PCDHA10: variants seen among roughly 807,000 people sequenced by gnomAD.
The protein encoded by PCDHA10 is protocadherin alpha-10.
Under a neutral mutation model 61.2 loss-of-function variants are expected in PCDHA10, and 45 were observed. That is an observed-to-expected ratio of 0.74 (90% CI 0.58 to 0.94). The LOEUF (loss-of-function observed/expected upper bound fraction) is 0.94, where lower values mean the gene tolerates loss of function less well. PCDHA10 is among the 40% of genes least tolerant of loss of function. PCDHA10 has a pLI of 0.00. For missense variants in PCDHA10, 1,278 were observed against 1,236.2 expected, an observed-to-expected ratio of 1.03 and a Z score of -0.51; for synonymous variants, 602 against 548.8, an observed-to-expected ratio of 1.10 and a Z score of -1.35.
intron 1 of PCDHA10, among the ~76,000 whole-genome samples, chr5:140,978,505 C>T (rs2096806553): frequency 6.6e-6 from 1 of 152,354 alleles, no homozygotes; most frequent in South Asian, 2.1e-4. Context: ...AGATTGCAGT[C>T]CTCTGCAGTC....
intron 1 of PCDHA10, among the ~76,000 whole-genome samples, chr5:140,894,303 A>G (rs1386163832): frequency 2.0e-5 from 3 of 151,922 alleles, no homozygotes; most frequent in Admixed American, 6.6e-5. Context: ...TTTCCTGGAA[A>G]GTTTTCTTAA....
At chr5:140,892,504 G>A (rs2063551551) in intron 1 of PCDHA10, among the ~76,000 whole-genome samples, 1 of 152,176 alleles carries the variant, frequency 6.6e-6, no homozygotes, top group Non-Finnish European at 1.5e-5. Context: ...TGTTTAAGAA[G>A]TTCCACCATG....
chr5:140,928,411 A>G, intron 1 of PCDHA10: 2 of 1,614,066 alleles, frequency 1.2e-6, no homozygotes, highest in Non-Finnish European at 1.7e-6. Context: ...CAGTGGGGCC[A>G]TCACTGCCAA....
intron 3 of PCDHA10, among the ~76,000 whole-genome samples, chr5:140,984,074 A>T (rs1554245949): frequency 6.6e-6 from 1 of 152,268 alleles, no homozygotes; most frequent in African/African-American, 2.4e-5. Context: ...AGTGCCAACG[A>T]TGGAGTGAAG....
intron 1 of PCDHA10, chr5:140,966,420 G>C (rs2096000872): frequency 2.4e-6 from 1 of 421,302 alleles, no homozygotes; most frequent in South Asian, 1.0e-4. Flanking sequence ...AGCAGGACTT[G>C]CTGAGCCCTC....
chr5:140,976,584 A>G (rs2096724055), intron 1 of PCDHA10, among the ~76,000 whole-genome samples: 1 of 152,070 alleles, frequency 6.6e-6, no homozygotes. Context: ...TAAAACACAG[A>G]CTTTTGTGTT....
At chr5:140,891,431 A>G (rs912407002) in intron 1 of PCDHA10, among the ~76,000 whole-genome samples, 1 of 143,446 alleles carries the variant, frequency 7.0e-6, no homozygotes, top group Non-Finnish European at 1.5e-5. Context: ...CAAGTCCCCA[A>G]CGTCCATTGT....
At chr5:140,877,417 G>T (rs782190793) in intron 1 of PCDHA10, 5 of 1,613,822 alleles carry the variant, frequency 3.1e-6, no homozygotes, top group Admixed American at 1.7e-5. Context: ...CCGCCTGCTG[G>T]TGCTGGTGAA....
chr5:140,906,575 T>C (rs1443480852), intron 1 of PCDHA10, among the ~76,000 whole-genome samples: 1 of 152,242 alleles, frequency 6.6e-6, no homozygotes, highest in Non-Finnish European at 1.5e-5. Context: ...ATAGCTGGTA[T>C]TGATGACTAC....
chr5:141,009,601 A>T (rs1223112014), intron 3 of PCDHA10, 26 bp from the exon 4 acceptor site: 6 of 1,607,482 alleles, frequency 3.7e-6, no homozygotes, highest in Non-Finnish European at 5.1e-6. Flanking sequence ...GACCCTGTTA[A>T]TGATTTGTAA....
intron 1 of PCDHA10, among the ~76,000 whole-genome samples, chr5:140,887,101 C>CTT (rs200717289): frequency 4.1e-5 from 6 of 145,304 alleles, no homozygotes; most frequent in African/African-American, 1.0e-4. Context: ...ATCTTTATCT[C>CTT]TTTTTTTTTT....
chr5:140,895,442 C>T (rs2065008027), intron 1 of PCDHA10, among the ~76,000 whole-genome samples: 1 of 152,148 alleles, frequency 6.6e-6, no homozygotes. Context: ...AGACTCTTTT[C>T]ATGTGCTTAT....
intron 1 of PCDHA10, among the ~76,000 whole-genome samples, chr5:140,873,502 T>C (rs1554166743): frequency 3.3e-5 from 5 of 152,346 alleles, no homozygotes; most frequent in Non-Finnish European, 7.3e-5. Context: ...AGTTGTGTCT[T>C]TTATACTTAA....
intron 1 of PCDHA10, among the ~76,000 whole-genome samples, chr5:140,971,595 A>G (rs1228003229): frequency 6.6e-6 from 1 of 152,110 alleles, no homozygotes; most frequent in African/African-American, 2.4e-5. Flanking sequence ...CCTAGTTACT[A>G]CAGATGGCAG....
intron 1 of PCDHA10, chr5:140,930,064 C>G (rs2153602971): frequency 6.6e-6 from 1 of 152,306 alleles, no homozygotes; most frequent in Non-Finnish European, 1.5e-5. Context: ...TACACAAAAA[C>G]TGTAAGCCTC....
chr5:140,883,886 T>C, intron 1 of PCDHA10: 1 of 1,613,156 alleles, frequency 6.2e-7, no homozygotes, highest in Non-Finnish European at 8.5e-7. Flanking sequence ...CGCGCGCGAC[T>C]CTGGCGTGCC....
At chr5:140,869,561 C>T (rs781968482) in intron 1 of PCDHA10, 28 of 1,614,032 alleles carry the variant, frequency 1.7e-5, no homozygotes, top group Middle Eastern at 1.6e-4. Context: ...TCGCGTTTTC[C>T]ACTAGAGGGA....
At chr5:140,987,643 A>G (rs1205279586) in intron 3 of PCDHA10, among the ~76,000 whole-genome samples, 1 of 152,232 alleles carries the variant, frequency 6.6e-6, no homozygotes, top group Non-Finnish European at 1.5e-5. Context: ...ATGCACACAT[A>G]TTGCAGAATC....
At chr5:140,913,282 AG>A (rs1231451737) in intron 1 of PCDHA10, among the ~76,000 whole-genome samples, 20 of 152,154 alleles carry the variant, frequency 1.3e-4, no homozygotes, top group African/African-American at 4.6e-4. Flanking sequence ...TGGTCTGTTT[AG>A]GTTTTAATTT....
Sources: allele counts gnomAD v4.1 joint callset (sites outside exome capture counted in the v4.1 genomes callset), GRCh38; gene constraint gnomAD v4.1.1; transcripts MANE v1.5; gene names NCBI Gene and HGNC (gene_info 2026-07-23, HGNC 2026-07-21).